The following EYS variants were observed in gnomAD, a reference collection of about 807,000 sequenced individuals.
EYS encodes EGF-like photoreceptor maintenance factor.
In EYS, 250 loss-of-function variants were observed where a neutral mutation model predicts 282.1. That is an observed-to-expected ratio of 0.89 (90% CI 0.80 to 0.98). The LOEUF (loss-of-function observed/expected upper bound fraction) is 0.98, where lower values mean the gene tolerates loss of function less well. Among genes scored for constraint, EYS ranks in the 50% least tolerant of loss-of-function variants. EYS has a pLI of 0.00. For synonymous variants in EYS, 1,355 were observed against 1,282.9 expected (o/e 1.06, Z -1.20); for missense variants, 4,016 against 3,709.0 (o/e 1.08, Z -2.15).
chr6:64,603,442 C>T (rs1181880885), intron 24 of EYS, among the ~76,000 whole-genome samples: 1 of 151,944 alleles, frequency 6.6e-6, no homozygotes, highest in Non-Finnish European at 1.5e-5. Context: ...ACCTCTGTTG[C>T]CTCCCAAGAG....
At chr6:64,317,095 T>G (rs1364187320) in intron 29 of EYS, among the ~76,000 whole-genome samples, 1 of 152,052 alleles carries the variant, frequency 6.6e-6, no homozygotes, top group Non-Finnish European at 1.5e-5. Context: ...ATGTAAGATC[T>G]AAAACCAAGA....
chr6:64,551,129 C>CATATAT (rs1765063389), intron 26 of EYS, among the ~76,000 whole-genome samples: 1 of 148,358 alleles, frequency 6.7e-6, no homozygotes, highest in Non-Finnish European at 1.5e-5. Context: ...TATATACACA[C>CATATAT]ACATATATAC....
intron 26 of EYS, among the ~76,000 whole-genome samples, chr6:64,514,738 T>C (rs76379551): frequency 0.043 from 6,483 of 151,864 alleles, 351 homozygotes; most frequent in African/African-American, 0.12. Context: ...AACCTAACCC[T>C]GTCTAATATA....
chr6:64,289,062 T>C (rs1453325965), intron 30 of EYS, among the ~76,000 whole-genome samples: 2 of 152,096 alleles, frequency 1.3e-5, no homozygotes, highest in African/African-American at 4.8e-5. Context: ...ATCTTAACCC[T>C]GATTCTCAGC....
chr6:64,649,505 A>G (rs1014332794), intron 22 of EYS, among the ~76,000 whole-genome samples: 4 of 152,018 alleles, frequency 2.6e-5, no homozygotes, highest in African/African-American at 9.7e-5. Context: ...ACACCTGGCT[A>G]GTAGTAGAAA....
intron 31 of EYS, among the ~76,000 whole-genome samples, chr6:64,122,916 T>A (rs1423831465): frequency 2.3e-5 from 3 of 130,052 alleles, no homozygotes; most frequent in Admixed American, 7.1e-5. Flanking sequence ...TTACAAAGCA[T>A]TTTTTTTTTG....
intron 12 of EYS, among the ~76,000 whole-genome samples, chr6:65,094,217 A>C (rs1774658947): frequency 2.0e-5 from 3 of 151,132 alleles, no homozygotes; most frequent in Admixed American, 1.3e-4. Context: ...AAATATATAC[A>C]TAAAGCAAAC....
intron 28 of EYS, among the ~76,000 whole-genome samples, chr6:64,395,277 A>C (rs1347840946): frequency 6.6e-6 from 1 of 152,282 alleles, no homozygotes; most frequent in East Asian, 1.9e-4. Context: ...CCATCCCATT[A>C]CTGGGTATAT....
intron 31 of EYS, among the ~76,000 whole-genome samples, chr6:64,137,925 A>C (rs926813309): frequency 1.3e-5 from 2 of 152,214 alleles, no homozygotes; most frequent in African/African-American, 4.8e-5. Flanking sequence ...AAAACAAAAA[A>C]ATAACAAAAC....
At chr6:63,965,122 C>G (rs147498005) in intron 35 of EYS, among the ~76,000 whole-genome samples, 2,613 of 152,238 alleles carry the variant, frequency 0.017, 65 homozygotes, top group African/African-American at 0.053. Context: ...AACATTTTAC[C>G]TTTCCTGTGC....
At chr6:64,444,884 C>A (rs1328196422) in intron 26 of EYS, among the ~76,000 whole-genome samples, 1 of 152,172 alleles carries the variant, frequency 6.6e-6, no homozygotes, top group Non-Finnish European at 1.5e-5. Flanking sequence ...TCCTCTCTTG[C>A]CATGTGAAAC....
intron 2 of EYS, among the ~76,000 whole-genome samples, chr6:65,510,889 T>C (rs1203570237): frequency 6.6e-6 from 1 of 152,232 alleles, no homozygotes; most frequent in Non-Finnish European, 1.5e-5. Flanking sequence ...TATGGTGCAA[T>C]GTTTGATGAC....
rs150110534 is a variant in EYS at position 65,057,401 on chromosome 6, A to G, written c.2137+213T>C. 1.1e-3 allele frequency among the ~76,000 whole-genome samples: 173 copies of G among 152,236 alleles called. 1 individual carries two copies. The highest frequency in any genetic ancestry group is 3.7e-3 in the African/African-American group (153 of 41,562). ...TGGTGACCTTTCAAATAGAAAAATA[A>G]GAAACTCAACTATTTTAGTGTGTAT... On this transcript the variant is annotated intron_variant, in intron 13 of 42. Coordinates refer to ENST00000503581, the MANE Select transcript of EYS (RefSeq NM_001142800.2).
intron 2 of EYS, among the ~76,000 whole-genome samples, chr6:65,566,095 TA>T (rs79190515): frequency 7.4e-5 from 11 of 148,440 alleles, no homozygotes; most frequent in South Asian, 4.3e-4. Flanking sequence ...CTGAAAGTAT[TA>T]AAAAAAAAAA....
At chr6:65,156,650 G>A (rs1581964270) in intron 12 of EYS, among the ~76,000 whole-genome samples, 2 of 151,258 alleles carry the variant, frequency 1.3e-5, no homozygotes, top group East Asian at 3.9e-4. Flanking sequence ...CATTAGGACT[G>A]TGACATGAGG....
At chr6:64,163,765 T>G (rs1010757078) in intron 31 of EYS, among the ~76,000 whole-genome samples, 1 of 151,988 alleles carries the variant, frequency 6.6e-6, no homozygotes, top group Non-Finnish European at 1.5e-5. Context: ...TATGTGAGAT[T>G]TGAAAAATTT....
intron 31 of EYS, among the ~76,000 whole-genome samples, chr6:64,095,551 G>C (rs1582261697): frequency 6.6e-6 from 1 of 152,182 alleles, no homozygotes; most frequent in South Asian, 2.1e-4. Context: ...TTTAAAGTCT[G>C]TTTTATCAGA....
chr6:64,644,390 G>T (rs1562109166), intron 22 of EYS, among the ~76,000 whole-genome samples: 2 of 152,076 alleles, frequency 1.3e-5, no homozygotes, highest in Non-Finnish European at 2.9e-5. Context: ...GAATTGGGAT[G>T]GAGTGAAGAG....
chr6:64,392,581 A>G (rs577272230), intron 28 of EYS, among the ~76,000 whole-genome samples: 142 of 152,012 alleles, frequency 9.3e-4, no homozygotes, highest in Admixed American at 1.6e-3. Context: ...GAAACCAATG[A>G]GAACAAAGAC....
Sources: allele counts gnomAD v4.1 joint callset (sites outside exome capture counted in the v4.1 genomes callset), GRCh38; gene constraint gnomAD v4.1.1; transcripts MANE v1.5; gene names NCBI Gene and HGNC (gene_info 2026-07-23, HGNC 2026-07-21).